Variants in PSMA3 observed in about 807,000 individuals in gnomAD.
The protein encoded by PSMA3 is proteasome subunit alpha type-3.
In PSMA3, 8 loss-of-function variants were observed where a neutral mutation model predicts 40.0. The observed-to-expected ratio is 0.20, with a 90% CI of 0.12 to 0.36. PSMA3 has a LOEUF of 0.36. Among genes scored for constraint, PSMA3 ranks in the 10% least tolerant of loss-of-function variants. The pLI is 1.00. For missense variants in PSMA3, 219 were observed against 310.6 expected, an observed-to-expected ratio of 0.70 and a Z score of 2.22; for synonymous variants, 110 against 100.0, an observed-to-expected ratio of 1.10 and a Z score of -0.59.
chr14:58,269,243 T>C (rs1226384387), intron 8 of PSMA3, among the ~76,000 whole-genome samples: 2 of 152,010 alleles, frequency 1.3e-5, no homozygotes, highest in Non-Finnish European at 2.9e-5. Flanking sequence ...CTTGATACTT[T>C]TTATGTTACT....
chr14:58,267,729 T>C (rs1396922674), intron 8 of PSMA3: 3 of 936,306 alleles, frequency 3.2e-6, no homozygotes, highest in African/African-American at 3.5e-5. Context: ...ATGGGAAAAA[T>C]AGCTTGACAA....
chr14:58,267,332 G>C (rs1448828632), intron 7 of PSMA3, 142 bp from the exon 8 acceptor site: 5 of 1,213,614 alleles, frequency 4.1e-6, no homozygotes, highest in East Asian at 3.5e-5. Context: ...ATTAAAATAT[G>C]AATCAGGAAA....
At position 58,263,837 on chromosome 14, in the gene PSMA3, A is replaced by T. The variant is rs148098652; in HGVS notation, c.543+67A>T. 2.0e-4 allele frequency: 286 copies of T among 1,429,490 alleles called. No individual in the cohort carries two copies. The East Asian group carries it at 6.2e-3, about 31-fold the overall frequency. 88.6% of individuals were successfully genotyped at this position (1,429,490 alleles called of 1,614,324 possible). A position where few individuals can be genotyped will look rare whatever the true frequency, so the allele number is the denominator to read the frequency against. The stretch of plus-strand genomic sequence containing the variant: ...ATGCAGTGAAATTTTATCACCACAG[A>T]CATTTCAGTCTAAGGCAGGGATGTC... On this transcript the variant is annotated intron_variant, in intron 7 of 10. Transcript: ENST00000216455.
chr14:58,257,733 C>CTT lies in PSMA3; in HGVS notation c.229-5_229-4dup. 6.3e-7 allele frequency: 1 copy of CTT among 1,596,858 alleles called. No individual in the cohort carries two copies. The highest frequency in any genetic ancestry group is 8.6e-7 in the Non-Finnish European group (1 of 1,166,312). On this transcript the variant is annotated splice_polypyrimidine_tract_variant and intron_variant, in intron 3 of 10. Transcript: ENST00000216455. ...AATGTGTTCCTCTAGTAAATTGGTG[C>CTT]TTTTTTTTCAGGCAGTAGCAGGTTT...
At chr14:58,269,119 G>C (rs1043941230) in intron 8 of PSMA3, among the ~76,000 whole-genome samples, 2 of 152,042 alleles carry the variant, frequency 1.3e-5, no homozygotes, top group African/African-American at 4.8e-5. Flanking sequence ...ATTTTTAGTA[G>C]AGACAGGCTT....
chr14:58,262,985 C>CTTT (rs5808966), intron 6 of PSMA3, among the ~76,000 whole-genome samples: 1 of 131,694 alleles, frequency 7.6e-6, no homozygotes, highest in Non-Finnish European at 1.6e-5. Flanking sequence ...TGTGTACATC[C>CTTT]TTTTTTTTTT....
At chr14:58,268,387 C>T (rs1413925940) in intron 8 of PSMA3, among the ~76,000 whole-genome samples, 1 of 152,062 alleles carries the variant, frequency 6.6e-6, no homozygotes, top group Non-Finnish European at 1.5e-5. Flanking sequence ...AAAAAAATTC[C>T]AATGGGCTCT....
At position 58,261,035 on chromosome 14, in the gene PSMA3, A is replaced by T; in HGVS notation, c.477+15A>T. The T allele has an allele frequency of 1.9e-6, 3 of 1,548,176 alleles. No individual in the cohort carries two copies. The highest frequency in any genetic ancestry group is 1.8e-6 in the Non-Finnish European group (2 of 1,121,988). On this transcript the variant is annotated intron_variant, in intron 6 of 10. Transcript: ENST00000216455. ...GTGTTTCATACGTGAGTAATTTTGA[A>T]TCATTTGAAATTCTATTTTAGTTTA... is the stretch of plus-strand genomic sequence containing the variant.
At chr14:58,258,954 T>G (rs1890209033) in intron 5 of PSMA3, among the ~76,000 whole-genome samples, 1 of 152,186 alleles carries the variant, frequency 6.6e-6, no homozygotes, top group Non-Finnish European at 1.5e-5. Flanking sequence ...TTTTTACTTT[T>G]TGAGACAGTT....
intron 6 of PSMA3, 149 bp downstream of exon 6, chr14:58,261,169 G>T (rs1210782054): frequency 1.7e-5 from 10 of 580,904 alleles, no homozygotes; most frequent in Admixed American, 3.7e-5. Context: ...ACAACCTCTT[G>T]TCCAACAGAA....
intron 7 of PSMA3, chr14:58,267,234 T>C: frequency 2.0e-6 from 1 of 503,216 alleles, no homozygotes; most frequent in African/African-American, 2.0e-5. Flanking sequence ...ACTTCTGACT[T>C]CAGGCAATCC....
chr14:58,265,028 A>C (rs551495043), intron 7 of PSMA3: 163 of 152,366 alleles, frequency 1.1e-3, no homozygotes, highest in South Asian at 5.2e-3. Flanking sequence ...TGGTAGGCCA[A>C]GTTGGGAGGA....
chr14:58,255,460 T>C (rs1346742425), intron 3 of PSMA3, among the ~76,000 whole-genome samples: 1 of 152,144 alleles, frequency 6.6e-6, no homozygotes, highest in Non-Finnish European at 1.5e-5. Context: ...TGGACATTTT[T>C]CTCCAAACTT....
intron 2 of PSMA3, 94 bp downstream of exon 2, chr14:58,247,926 A>G (rs950410492): frequency 2.3e-5 from 17 of 747,824 alleles, no homozygotes; most frequent in African/African-American, 1.1e-4. Context: ...ACAAATTAGT[A>G]TATGTCCCCA....
chr14:58,248,596 G>A (rs1396572896), intron 2 of PSMA3, among the ~76,000 whole-genome samples: 1 of 152,120 alleles, frequency 6.6e-6, no homozygotes, highest in Non-Finnish European at 1.5e-5. Context: ...TCAGATTTAT[G>A]CAAATATGAG....
chr14:58,256,414 TC>T (rs1409992488), intron 3 of PSMA3, among the ~76,000 whole-genome samples: 1 of 150,124 alleles, frequency 6.7e-6, no homozygotes, highest in East Asian at 2.0e-4. Context: ...ACTGAGCATT[TC>T]CTTTTTTTTT....
intron 2 of PSMA3, among the ~76,000 whole-genome samples, chr14:58,249,842 C>T (rs952098145): frequency 1.2e-4 from 18 of 152,166 alleles, no homozygotes; most frequent in African/African-American, 2.9e-4. Flanking sequence ...ATTTTGACCT[C>T]GAAGACTGCC....
chr14:58,253,989 T>C (rs886314090), intron 3 of PSMA3, among the ~76,000 whole-genome samples: 1 of 152,018 alleles, frequency 6.6e-6, no homozygotes, highest in African/African-American at 2.4e-5. Context: ...TGTACAGATT[T>C]TTCTCGTCAC....
chr14:58,271,003 G>A lies in PSMA3; in HGVS notation c.723+5G>A, dbSNP rs1196907671. On this transcript the variant is annotated splice_donor_5th_base_variant and intron_variant, in intron 10 of 10. Transcript: ENST00000216455. Reference sequence around the variant, plus strand: ...GAAGCAGAGAAATATGCTAAGGTAAGCCACAGCACAAAAACTTCTCTTGGC... The same window carrying A: ...GAAGCAGAGAAATATGCTAAGGTAAACCACAGCACAAAAACTTCTCTTGGC... The A allele has an allele frequency of 1.3e-6, 2 of 1,599,256 alleles. No individual in the cohort carries two copies. The highest frequency in any genetic ancestry group is 2.7e-5 in the African/African-American group (2 of 74,360).
Sources: gnomAD v4.1 joint callset for allele counts (sites outside exome capture counted in the v4.1 genomes callset) on GRCh38, gnomAD v4.1.1 for gene constraint, MANE v1.5 for transcripts, NCBI Gene and HGNC (gene_info 2026-07-23, HGNC 2026-07-21) for gene names.